Variants in CARM1 observed in about 807,000 individuals in gnomAD.
The protein encoded by CARM1 is coactivator associated arginine methyltransferase 1.
In CARM1, 14 loss-of-function variants were observed where a neutral mutation model predicts 72.7. That is an observed-to-expected ratio of 0.19 (90% CI 0.13 to 0.30). CARM1 has a LOEUF of 0.30. Ranked by LOEUF, CARM1 falls within the 10% of genes least tolerant of loss-of-function variation. The pLI, the probability that CARM1 is intolerant of heterozygous loss-of-function variation, is 1.00. For missense variants in CARM1, 432 were observed against 833.7 expected, an observed-to-expected ratio of 0.52 and a Z score of 5.93; for synonymous variants, 333 against 345.5, an observed-to-expected ratio of 0.96 and a Z score of 0.40.
chr19:10,910,522 C>T (rs1290264109), intron 4 of CARM1, among the ~76,000 whole-genome samples: 1 of 151,470 alleles, frequency 6.6e-6, no homozygotes, highest in Non-Finnish European at 1.5e-5. Flanking sequence ...CCCTTCTCAT[C>T]CCATTTGCCA....
chr19:10,908,586 G>A (rs1257331878), intron 3 of CARM1: 2 of 187,802 alleles, frequency 1.1e-5, no homozygotes, highest in African/African-American at 2.4e-5. Flanking sequence ...TAAGTGACTT[G>A]CTCCAAGTCA....
intron 1 of CARM1, among the ~76,000 whole-genome samples, chr19:10,893,765 C>T (rs903327965): frequency 6.6e-6 from 1 of 152,120 alleles, no homozygotes; most frequent in Non-Finnish European, 1.5e-5. Context: ...AGGATGGTGC[C>T]CTGGGGCCGG....
chr19:10,913,765 A>AGG, intron 5 of CARM1, 112 bp from the exon 6 acceptor site: 1 of 1,120,592 alleles, frequency 8.9e-7, no homozygotes, highest in Non-Finnish European at 1.3e-6. Context: ...AAGCAGGCAG[A>AGG]GGGGCACCCA....
chr19:10,873,322 G>A (rs938125519), intron 1 of CARM1, among the ~76,000 whole-genome samples: 14 of 151,930 alleles, frequency 9.2e-5, no homozygotes, highest in African/African-American at 3.4e-4. Context: ...ATTTTTTTAG[G>A]ACCAGGCGGG....
rs1402849768 is a variant in CARM1 at position 10,916,446 on chromosome 19, C to T, written c.887C>T (p.Pro296Leu). 6.2e-7 allele frequency: 1 copy of T among 1,613,922 alleles called. No homozygotes were observed. The highest frequency in any genetic ancestry group is 1.7e-5 in the Admixed American group (1 of 60,016). Residue 296 changes from proline to leucine, a missense_variant, in exon 7 of 16, where the codon CCC (proline) becomes CTC (leucine). Coordinates refer to ENST00000327064, the MANE Select transcript of CARM1 (RefSeq NM_199141.2). This position sits in a 1 kb window ranked among gnomAD's most constrained non-coding sequence, Gnocchi z 4.4. ...ACCATTGGTGACGTCCACCTTGCACCCTTCACGGATGAACAGCTCTACATG... is the reference window on the plus strand; with the variant it reads ...ACCATTGGTGACGTCCACCTTGCACTCTTCACGGATGAACAGCTCTACATG... ...FPTIGDVHLAPFTDEQLYMEQ... is the reference protein window; with the variant it reads ...FPTIGDVHLALFTDEQLYMEQ...
At chr19:10,911,831 CCAA>C (rs1310026612) in intron 4 of CARM1, among the ~76,000 whole-genome samples, 3 of 152,230 alleles carry the variant, frequency 2.0e-5, no homozygotes, top group Non-Finnish European at 4.4e-5. Context: ...GACACTGCCA[CCAA>C]CAACTCGGGC....
chr19:10,905,170 TGC>T, intron 2 of CARM1, 94 bp downstream of exon 2: 3 of 1,479,438 alleles, frequency 2.0e-6, no homozygotes, highest in Non-Finnish European at 2.8e-6. Context: ...GGGTGGCCCG[TGC>T]ATCCTTAAGA....
rs1306116788 is a variant in CARM1 at position 10,922,823 on chromosome 19, ACT to A, written c.*1068_*1069del. 6.5e-6 allele frequency: 1 copy of A among 154,390 alleles called. No individual in the cohort carries two copies. The highest frequency in any genetic ancestry group is 6.5e-5 in the Admixed American group (1 of 15,346). 9.6% of individuals were successfully genotyped at this position (154,390 alleles called of 1,614,324 possible). On this transcript the variant is annotated 3_prime_UTR_variant, in exon 16 of 16. Coordinates refer to ENST00000327064, the MANE Select transcript of CARM1 (RefSeq NM_199141.2). Reference sequence around the variant, plus strand: ...GCTCCCCTGTTTCTCATACCCCCAAACTCAGATGCTGGAGCTCAGGCCCGCCG... The same window carrying A: ...GCTCCCCTGTTTCTCATACCCCCAAACAGATGCTGGAGCTCAGGCCCGCCG...
chr19:10,908,824 C>T, intron 3 of CARM1: 1 of 331,592 alleles, frequency 3.0e-6, no homozygotes, highest in Non-Finnish European at 5.7e-6. Context: ...AGAACCCTGC[C>T]TGTGGCAAAT....
rs944784679 is a variant in CARM1 at position 10,912,959 on chromosome 19, G to C, written c.669+665G>C. Among the ~76,000 whole-genome samples, 2 of 152,180 alleles carry C rather than the reference G, an allele frequency of 1.3e-5. No individual in the cohort carries two copies. Among genetic ancestry groups the C allele is most frequent in the Non-Finnish European group, 2.9e-5 (2 of 68,038 alleles). On this transcript the variant is annotated intron_variant, in intron 5 of 15. Transcript: ENST00000327064. This position sits in a 1 kb window ranked among gnomAD's most constrained non-coding sequence, Gnocchi z 4.5. ...CACACCCTAGCCCTGGAATCGCTGG[G>C]TTGGGGGTGCATCCAGCTTTAGCTT...
chr19:10,904,262 A>G (rs2074087109), intron 1 of CARM1, among the ~76,000 whole-genome samples: 1 of 152,232 alleles, frequency 6.6e-6, no homozygotes, highest in South Asian at 2.1e-4. Flanking sequence ...CAGATGATGC[A>G]CCTGTCCCAC....
chr19:10,901,100 A>G (rs1336284603), intron 1 of CARM1, among the ~76,000 whole-genome samples: 2 of 151,146 alleles, frequency 1.3e-5, no homozygotes, highest in African/African-American at 4.9e-5. Flanking sequence ...TCCCTGTCTC[A>G]GCTTCCTGAG....
chr19:10,889,105 G>A (rs554379617), intron 1 of CARM1, among the ~76,000 whole-genome samples: 48 of 152,290 alleles, frequency 3.2e-4, no homozygotes, highest in South Asian at 6.2e-4. Flanking sequence ...GATGGGGCAC[G>A]CATTGAGTGC....
chr19:10,900,169 A>C (rs1351891578), intron 1 of CARM1, among the ~76,000 whole-genome samples: 2 of 152,156 alleles, frequency 1.3e-5, no homozygotes. Context: ...AAAATTAGCC[A>C]GGGGTGGTGG....
At chr19:10,873,840 CA>C (rs901494431) in intron 1 of CARM1, among the ~76,000 whole-genome samples, 10 of 151,686 alleles carry the variant, frequency 6.6e-5, no homozygotes, top group African/African-American at 2.4e-4. Flanking sequence ...GGGGTTTCAC[CA>C]TGTTAGCCAG....
intron 1 of CARM1, among the ~76,000 whole-genome samples, chr19:10,891,901 C>T (rs1366038895): frequency 6.6e-6 from 1 of 152,198 alleles, no homozygotes; most frequent in Non-Finnish European, 1.5e-5. Flanking sequence ...CACACAATGG[C>T]AAAGGAGGGT....
chr19:10,896,962 C>T lies in CARM1; in HGVS notation c.221-7989C>T, dbSNP rs1296293340. 6.6e-6 allele frequency among the ~76,000 whole-genome samples: 1 copy of T among 152,216 alleles called. No homozygotes were observed. The highest frequency in any genetic ancestry group is 1.5e-5 in the Non-Finnish European group (1 of 68,034). On this transcript the variant is annotated intron_variant, in intron 1 of 15. Transcript: ENST00000327064. This position sits in a 1 kb window ranked among gnomAD's most constrained non-coding sequence, Gnocchi z 5.2. ...TTTTGCAAATGAAGCTTTATGGGCA[C>T]ACAGCCATGCTCATTTGTTTACATA...
At chr19:10,898,621 A>C (rs2074041143) in intron 1 of CARM1, among the ~76,000 whole-genome samples, 1 of 152,202 alleles carries the variant, frequency 6.6e-6, no homozygotes, top group African/African-American at 2.4e-5. Flanking sequence ...TGGCCTTGAG[A>C]GGATGCCACA....
At position 10,912,996 on chromosome 19, in the gene CARM1, G is replaced by T. The variant is rs2074164676; in HGVS notation, c.669+702G>T. On this transcript the variant is annotated intron_variant, in intron 5 of 15. Coordinates refer to ENST00000327064, the MANE Select transcript of CARM1 (RefSeq NM_199141.2). This position sits in a 1 kb window ranked among gnomAD's most constrained non-coding sequence, Gnocchi z 4.5. ...TCCAGCTTTAGCTTTGGTGGCTGTT[G>T]TGATGTCTGCTCGTCCCCCTCTTTG... Among the ~76,000 whole-genome samples the T allele has an allele frequency of 6.6e-6, 1 of 152,164 alleles. No homozygotes were observed. Among genetic ancestry groups the T allele is most frequent in the Non-Finnish European group, 1.5e-5 (1 of 68,038 alleles).
Sources: allele counts gnomAD v4.1 joint callset (sites outside exome capture counted in the v4.1 genomes callset), GRCh38; gene constraint gnomAD v4.1.1; non-coding constraint Gnocchi (gnomAD v3.1); transcripts MANE v1.5; gene names NCBI Gene and HGNC (gene_info 2026-07-23, HGNC 2026-07-21).